The following VTI1B variants were observed in gnomAD, a reference collection of about 807,000 sequenced individuals.
The protein encoded by VTI1B is vesicle transport through interaction with t-SNAREs homolog 1B.
VTI1B carries 18 observed loss-of-function variants against 28.6 expected under a neutral mutation model. The ratio of observed to expected loss-of-function variants is 0.63; its 90% CI spans 0.43 to 0.93. The LOEUF (loss-of-function observed/expected upper bound fraction) is 0.93. Ranked by LOEUF, VTI1B falls within the 40% of genes least tolerant of loss-of-function variation. The probability of loss-of-function intolerance (pLI) is 0.00; values close to 1 mark genes in which losing one functional copy is unlikely to be tolerated. For missense variants in VTI1B, 283 were observed against 297.0 expected (o/e 0.95, Z 0.35); for synonymous variants, 100 against 107.9 (o/e 0.93, Z 0.46).
rs942421255 is a variant in VTI1B at position 67,647,696 on chromosome 14, C to G, written c.*3689G>C. On this transcript the variant is annotated 3_prime_UTR_variant, in exon 6 of 6. Coordinates refer to ENST00000554659, the MANE Select transcript of VTI1B (RefSeq NM_006370.3). ...AATTTAAATTGTCTAATTAAATTGT[C>G]TCTAGATGAGAGCCCAATCTCATCT... is the stretch of plus-strand genomic sequence containing the variant. 38 of 183,362 alleles carry G rather than the reference C, an allele frequency of 2.1e-4. No homozygotes were observed. The highest frequency in any genetic ancestry group is 8.0e-4 in the African/African-American group (34 of 42,718). 11.4% of individuals were successfully genotyped at this position (183,362 alleles called of 1,614,324 possible).
In VTI1B at chr14:67,649,537, TTGA is replaced by T. The variant is rs757581690; in HGVS notation, c.*1845_*1847del. The T allele has an allele frequency of 6.6e-6, 1 of 152,104 alleles. No individual in the cohort carries two copies. Among genetic ancestry groups the T allele is most frequent in the Non-Finnish European group, 1.5e-5 (1 of 68,028 alleles). The allele number at this position is 152,104 out of a possible 1,614,324, so 9.4% of individuals were successfully genotyped here. A position where few individuals can be genotyped will look rare whatever the true frequency, so the allele number is the denominator to read the frequency against. On this transcript the variant is annotated 3_prime_UTR_variant, in exon 6 of 6. Coordinates refer to ENST00000554659, the MANE Select transcript of VTI1B (RefSeq NM_006370.3). ...GTATATATTTCTAATAGTGCAAACT[TTGA>T]TGACCACTTCTGGGATATGCTAAAG...
intron 1 of VTI1B, among the ~76,000 whole-genome samples, chr14:67,667,851 G>A (rs1379507889): frequency 6.6e-6 from 1 of 152,126 alleles, no homozygotes; most frequent in Admixed American, 6.5e-5. Context: ...GGCTGAGGCA[G>A]AAGAATGGCG....
chr14:67,648,059 A>T lies in VTI1B; in HGVS notation c.*3326T>A. 1.2e-6 allele frequency: 2 copies of T among 1,612,322 alleles called. No homozygotes were observed. Among genetic ancestry groups the T allele is most frequent in the Non-Finnish European group, 1.7e-6 (2 of 1,178,922 alleles). On this transcript the variant is annotated 3_prime_UTR_variant, in exon 6 of 6. Transcript: ENST00000554659. Reference sequence around the variant, plus strand: ...TCTTCCTTTTTAGGAGACAAAGACCAATCCATTTGAGTTTTGATATTGATG... The same window carrying T: ...TCTTCCTTTTTAGGAGACAAAGACCTATCCATTTGAGTTTTGATATTGATG...
chr14:67,674,236 G>A (rs2037504421), intron 1 of VTI1B, 139 bp downstream of exon 1: 1 of 728,338 alleles, frequency 1.4e-6, no homozygotes, highest in Non-Finnish European at 2.1e-6. Flanking sequence ...CTGGGGCTGG[G>A]ACAAGCCAGC....
chr14:67,674,160 G>A (rs2037503302), intron 1 of VTI1B, among the ~76,000 whole-genome samples: 1 of 152,238 alleles, frequency 6.6e-6, no homozygotes, highest in Non-Finnish European at 1.5e-5. Context: ...AATGTGGAAG[G>A]CCATAGAAGG....
intron 1 of VTI1B, among the ~76,000 whole-genome samples, chr14:67,671,883 A>C (rs956595687): frequency 2.6e-5 from 4 of 152,234 alleles, no homozygotes; most frequent in Non-Finnish European, 5.9e-5. Context: ...TCTCAGGATA[A>C]CAATCTAATC....
intron 4 of VTI1B, 64 bp from the exon 5 acceptor site, chr14:67,653,562 C>T (rs2037215922): frequency 1.4e-6 from 2 of 1,429,564 alleles, no homozygotes; most frequent in African/African-American, 1.4e-5. Context: ...ATTGAATATC[C>T]CTAGATTAAC....
chr14:67,662,347 T>C, intron 2 of VTI1B, 130 bp downstream of exon 2: 1 of 841,520 alleles, frequency 1.2e-6, no homozygotes, highest in Non-Finnish European at 1.9e-6. Context: ...TCAACTGGCT[T>C]CATTTAGTAA....
intron 1 of VTI1B, among the ~76,000 whole-genome samples, chr14:67,673,327 G>A (rs979180454): frequency 1.3e-5 from 2 of 151,984 alleles, no homozygotes; most frequent in African/African-American, 4.8e-5. Flanking sequence ...CTGGGTGACA[G>A]AGTGAGACCC....
At chr14:67,668,666 A>G (rs1397392087) in intron 1 of VTI1B, among the ~76,000 whole-genome samples, 2 of 151,872 alleles carry the variant, frequency 1.3e-5, no homozygotes, top group Non-Finnish European at 2.9e-5. Flanking sequence ...ACAGTGAAAA[A>G]AAGACAACAT....
chr14:67,660,446 C>CA (rs1469157230), intron 2 of VTI1B, among the ~76,000 whole-genome samples: 1 of 152,120 alleles, frequency 6.6e-6, no homozygotes, highest in Non-Finnish European at 1.5e-5. Context: ...AGTCAGGATT[C>CA]AAAATCTTCA....
At chr14:67,653,557 A>T in intron 4 of VTI1B, 59 bp from the exon 5 acceptor site, 1 of 1,456,280 alleles carries the variant, frequency 6.9e-7, no homozygotes, top group Non-Finnish European at 9.6e-7. Context: ...GTACAATTGA[A>T]TATCCCTAGA....
Position 67,650,927 on chromosome 14 carries a change from CTG to C in VTI1B, c.*456_*457del, listed in dbSNP as rs1425520932. 1.9e-5 allele frequency: 30 copies of C among 1,612,788 alleles called. No homozygotes were observed. Among genetic ancestry groups the C allele is most frequent in the Non-Finnish European group, 2.5e-5 (29 of 1,179,286 alleles). On this transcript the variant is annotated 3_prime_UTR_variant, in exon 6 of 6. Transcript: ENST00000554659. ...AGCACGTGTGAGAATTTAGGAGACACTGTGCACTGACATGTTTCACAACAGGC... is the reference window on the plus strand; with the variant it reads ...AGCACGTGTGAGAATTTAGGAGACACTGCACTGACATGTTTCACAACAGGC...
chr14:67,654,113 TTTTA>T (rs1255494179), intron 4 of VTI1B, among the ~76,000 whole-genome samples: 3 of 152,216 alleles, frequency 2.0e-5, no homozygotes, highest in East Asian at 1.9e-4. Context: ...GTTCCTTGGC[TTTTA>T]TTTATTTGAA....
chr14:67,652,628 C>T (rs1300449284), intron 5 of VTI1B: 6 of 152,250 alleles, frequency 3.9e-5, no homozygotes, highest in Admixed American at 2.0e-4. Context: ...GACTCAGTTA[C>T]TGCCCAAGAA....
intron 1 of VTI1B, 38 bp downstream of exon 1, chr14:67,674,337 G>C (rs754324014): frequency 6.5e-7 from 1 of 1,534,624 alleles, no homozygotes; most frequent in Admixed American, 2.1e-5. Context: ...AAGCGCGCAG[G>C]GCTGCGCTCC....
chr14:67,649,826 C>T lies in VTI1B; in HGVS notation c.*1559G>A, dbSNP rs550008132. 2.0e-5 allele frequency: 3 copies of T among 152,298 alleles called. No homozygotes were observed. The East Asian group carries it at 5.8e-4, about 29-fold the overall frequency. 9.4% of individuals were successfully genotyped at this position (152,298 alleles called of 1,614,324 possible). The stretch of plus-strand genomic sequence containing the variant: ...TGGCCACCCTAAATATTCTTAGATA[C>T]TTGTATTCCTGAATACTAGCTTGTT... On this transcript the variant is annotated 3_prime_UTR_variant, in exon 6 of 6. Transcript: ENST00000554659.
intron 5 of VTI1B, 106 bp from the exon 6 acceptor site, chr14:67,651,587 T>A: frequency 7.7e-7 from 1 of 1,290,902 alleles, no homozygotes; most frequent in Non-Finnish European, 1.1e-6. Flanking sequence ...TGAGGCTGTA[T>A]GTTTGATCAC....
At chr14:67,672,838 T>C (rs1026230667) in intron 1 of VTI1B, among the ~76,000 whole-genome samples, 6 of 152,168 alleles carry the variant, frequency 3.9e-5, no homozygotes, top group African/African-American at 1.4e-4. Flanking sequence ...AAGGCACAAG[T>C]CTTTCACCAT....
Sources: allele counts gnomAD v4.1 joint callset (sites outside exome capture counted in the v4.1 genomes callset), GRCh38; gene constraint gnomAD v4.1.1; transcripts MANE v1.5; gene names NCBI Gene and HGNC (gene_info 2026-07-23, HGNC 2026-07-21).